GSN: variants seen among roughly 807,000 people sequenced by gnomAD.
GSN encodes gelsolin.
GSN carries 56 observed loss-of-function variants against 85.7 expected under a neutral mutation model. That is an observed-to-expected ratio of 0.65 (90% CI 0.53 to 0.82). The LOEUF is 0.82. Ranked by LOEUF, GSN falls within the 40% of genes least tolerant of loss-of-function variation. GSN has a pLI of 0.00. For missense variants in GSN, 857 were observed against 979.8 expected, an observed-to-expected ratio of 0.87 and a Z score of 1.67; for synonymous variants, 373 against 399.1, an observed-to-expected ratio of 0.93 and a Z score of 0.78.
intron 6 of GSN, among the ~76,000 whole-genome samples, chr9:121,260,320 G>A (rs777311787): frequency 5.3e-5 from 8 of 152,242 alleles, no homozygotes; most frequent in Non-Finnish European, 8.8e-5. Flanking sequence ...TCGGGGAAAC[G>A]TGCTTCTTGC....
At chr9:121,223,321 C>A (rs1456453004) in intron 4 of GSN, among the ~76,000 whole-genome samples, 2 of 151,842 alleles carry the variant, frequency 1.3e-5, no homozygotes, top group Admixed American at 6.6e-5. Flanking sequence ...GGGTCCCTCT[C>A]CTGCCCTGCT....
In GSN at chr9:121,318,601, G is replaced by A; in HGVS notation, c.976-64G>A. 3.4e-6 allele frequency: 5 copies of A among 1,483,394 alleles called. No individual in the cohort carries two copies. The highest frequency in any genetic ancestry group is 2.8e-6 in the Non-Finnish European group (3 of 1,061,944). 91.9% of individuals were successfully genotyped at this position (1,483,394 alleles called of 1,614,324 possible). A position where few individuals can be genotyped will look rare whatever the true frequency, so the allele number is the denominator to read the frequency against. Reference sequence around the variant, plus strand: ...CCTCAGTGTGGATGGGGTATCTGAGGCTCCCCTGGGGACCCCTGCTGGGCA... The same window carrying A: ...CCTCAGTGTGGATGGGGTATCTGAGACTCCCCTGGGGACCCCTGCTGGGCA... On this transcript the variant is annotated intron_variant, in intron 9 of 17. Coordinates refer to ENST00000432226, the MANE Select transcript of GSN (RefSeq NM_198252.3). This position sits in a 1 kb window ranked among gnomAD's most constrained non-coding sequence, Gnocchi z 4.3.
At chr9:121,239,116 C>A (rs540745977) in intron 5 of GSN, 2 of 356,780 alleles carry the variant, frequency 5.6e-6, no homozygotes, top group Admixed American at 3.6e-5. Context: ...ACCTTCTCCT[C>A]GACCTGCATG....
Position 121,312,336 on chromosome 9 carries a change from C to T in GSN, c.514-3C>T, listed in dbSNP as rs1462347966. 3 of 1,614,070 alleles carry T rather than the reference C, an allele frequency of 1.9e-6. No individual in the cohort carries two copies. The highest frequency in any genetic ancestry group is 2.7e-5 in the African/African-American group (2 of 75,060). On this transcript the variant is annotated splice_region_variant and splice_polypyrimidine_tract_variant and intron_variant, in intron 5 of 17. Coordinates refer to ENST00000432226, the MANE Select transcript of GSN (RefSeq NM_198252.3). The stretch of plus-strand genomic sequence containing the variant: ...ACTGACTTCCTGGGTCTCTGTCTTC[C>T]AGAACATCCACCAGTGGTGTGGTTC...
At chr9:121,259,152 A>T (rs2055028399) in intron 6 of GSN, among the ~76,000 whole-genome samples, 1 of 152,214 alleles carries the variant, frequency 6.6e-6, no homozygotes. Context: ...GGAAGCAGAG[A>T]TTGAGATATC....
intron 4 of GSN, among the ~76,000 whole-genome samples, chr9:121,225,336 T>A (rs1489638107): frequency 6.6e-6 from 1 of 152,214 alleles, no homozygotes; most frequent in South Asian, 2.1e-4. Flanking sequence ...CAGATCCCAG[T>A]CTTTTAAACA....
At position 121,327,303 on chromosome 9, in the gene GSN, C is replaced by T. The variant is rs374445066; in HGVS notation, c.1588-5C>T. The T allele has an allele frequency of 1.2e-5, 19 of 1,612,962 alleles. No homozygotes were observed. Among genetic ancestry groups the T allele is most frequent in the Non-Finnish European group, 1.6e-5 (19 of 1,179,062 alleles). The stretch of plus-strand genomic sequence containing the variant: ...TTCCTGATTAACCAAGCTGTACCCT[C>T]CCAGGTATTGCCTAAGGCTGGTGCA... On this transcript the variant is annotated splice_polypyrimidine_tract_variant and splice_region_variant and intron_variant, in intron 13 of 17. Coordinates refer to ENST00000432226, the MANE Select transcript of GSN (RefSeq NM_198252.3).
chr9:121,213,383 G>A (rs950637563), intron 4 of GSN, among the ~76,000 whole-genome samples: 1 of 152,150 alleles, frequency 6.6e-6, no homozygotes, highest in Non-Finnish European at 1.5e-5. Flanking sequence ...CGAATCAGGC[G>A]TGCTCCACCA....
At chr9:121,282,416 C>A in intron 2 of GSN, 1 of 1,128,596 alleles carries the variant, frequency 8.9e-7, no homozygotes. Flanking sequence ...CTCCAACCCA[C>A]GCCATCCCTT....
chr9:121,300,058 C>A lies in GSN; in HGVS notation c.-9-1905C>A. 2 of 1,606,748 alleles carry A rather than the reference C, an allele frequency of 1.2e-6. No individual in the cohort carries two copies. Among genetic ancestry groups the A allele is most frequent in the South Asian group, 2.2e-5 (2 of 90,452 alleles). On this transcript the variant is annotated intron_variant, in intron 2 of 17. Transcript: ENST00000432226. Reference sequence around the variant, plus strand: ...CCGGAGTAACTCTCTATTGTAAGTTCTTGCAGATACAGCGCTAGGAAAAGG... The same window carrying A: ...CCGGAGTAACTCTCTATTGTAAGTTATTGCAGATACAGCGCTAGGAAAAGG...
chr9:121,218,582 C>A (rs1159032134), intron 4 of GSN, among the ~76,000 whole-genome samples: 1 of 152,172 alleles, frequency 6.6e-6, no homozygotes, highest in African/African-American at 2.4e-5. Context: ...TTGCAGTAAG[C>A]CGATAACGCA....
chr9:121,233,985 C>T (rs1215704178), intron 5 of GSN, among the ~76,000 whole-genome samples: 1 of 152,188 alleles, frequency 6.6e-6, no homozygotes. Flanking sequence ...GTAAGTGATC[C>T]AGACTGGAAT....
intron 5 of GSN, among the ~76,000 whole-genome samples, chr9:121,247,212 C>A (rs1463163303): frequency 1.3e-5 from 2 of 152,142 alleles, no homozygotes; most frequent in African/African-American, 4.8e-5. Context: ...GTCATTGCAG[C>A]CCATGGATAG....
chr9:121,230,163 C>A (rs936275398), intron 4 of GSN, among the ~76,000 whole-genome samples: 4 of 152,132 alleles, frequency 2.6e-5, no homozygotes, highest in African/African-American at 9.7e-5. Context: ...TGATGTGGCT[C>A]CAATAGCTTT....
chr9:121,325,422 G>T (rs950140152), intron 12 of GSN, among the ~76,000 whole-genome samples: 37 of 152,116 alleles, frequency 2.4e-4, no homozygotes, highest in African/African-American at 8.9e-4. Flanking sequence ...GTTAAAGCAA[G>T]GGGAAAATGC....
intron 6 of GSN, chr9:121,313,024 G>A (rs2061346824): frequency 1.3e-5 from 2 of 154,864 alleles, no homozygotes; most frequent in Admixed American, 1.3e-4. Context: ...CCTGAGAGGT[G>A]GGACTGGAAC....
At chr9:121,230,523 T>A (rs2054366976) in intron 4 of GSN, among the ~76,000 whole-genome samples, 1 of 151,636 alleles carries the variant, frequency 6.6e-6, no homozygotes, top group Non-Finnish European at 1.5e-5. Flanking sequence ...GAAGTTGCAA[T>A]GTGGGGGATA....
intron 8 of GSN, chr9:121,317,521 A>C (rs1048230453): frequency 7.5e-6 from 3 of 402,328 alleles, no homozygotes; most frequent in East Asian, 5.5e-5. Context: ...AAAACATCTA[A>C]CTGTATGGTC....
At chr9:121,321,999 T>A (rs2062528708) in intron 11 of GSN, among the ~76,000 whole-genome samples, 1 of 152,098 alleles carries the variant, frequency 6.6e-6, no homozygotes, top group South Asian at 2.1e-4. Flanking sequence ...TGCCTCAGCC[T>A]CCCAAAGTGC....
Sources: gnomAD v4.1 joint callset for allele counts (sites outside exome capture counted in the v4.1 genomes callset) on GRCh38, gnomAD v4.1.1 for gene constraint, Gnocchi (gnomAD v3.1) non-coding constraint, MANE v1.5 for transcripts, NCBI Gene and HGNC (gene_info 2026-07-23, HGNC 2026-07-21) for gene names.